The following MLXIP variants were observed in gnomAD, a reference collection of about 807,000 sequenced individuals.
The protein encoded by MLXIP is MLX interacting protein.
MLXIP carries 30 observed loss-of-function variants against 87.2 expected under a neutral mutation model. That is an observed-to-expected ratio of 0.34 (90% CI 0.26 to 0.47). The LOEUF (loss-of-function observed/expected upper bound fraction) is 0.47. MLXIP is among the 20% of genes least tolerant of loss of function. The probability of loss-of-function intolerance (pLI) is 1.00; values close to 1 mark genes in which losing one functional copy is unlikely to be tolerated. For missense variants in MLXIP, 1,002 were observed against 1,240.1 expected, an observed-to-expected ratio of 0.81 and a Z score of 2.88; for synonymous variants, 530 against 514.0, an observed-to-expected ratio of 1.03 and a Z score of -0.42.
Position 122,142,169 on chromosome 12 carries a change from G to A in MLXIP, c.*357G>A, listed in dbSNP as rs1375537672. On this transcript the variant is annotated 3_prime_UTR_variant, in exon 17 of 17. Transcript: ENST00000319080. ...CCGGTGAGCGGAATCGATGGGATGA[G>A]GGTGACAGGGCCTGCTCCTGTCCTG... 2 of 701,326 alleles carry A rather than the reference G, an allele frequency of 2.9e-6. No homozygotes were observed. Among genetic ancestry groups the A allele is most frequent in the African/African-American group, 1.7e-5 (1 of 57,266 alleles). 43.4% of individuals were successfully genotyped at this position (701,326 alleles called of 1,614,324 possible).
intron 1 of MLXIP, among the ~76,000 whole-genome samples, chr12:122,115,966 A>G (rs28613772): frequency 0.51 from 76,688 of 151,460 alleles, 19,913 homozygotes; most frequent in Middle Eastern, 0.64. Flanking sequence ...CAGGAGAATC[A>G]CTTGAACCCG....
Position 122,137,602 on chromosome 12 carries a change from C to A in MLXIP, c.2154+12C>A. On this transcript the variant is annotated intron_variant, in intron 12 of 16. Transcript: ENST00000319080. This position sits in a 1 kb window ranked among gnomAD's most constrained non-coding sequence, Gnocchi z 4.1. ...TGGCTGCACTAAAGGTACCGCATGT[C>A]TCCTCTTGGTTCCCTTGGGAGGAGG... The A allele has an allele frequency of 6.2e-7, 1 of 1,613,090 alleles. No homozygotes were observed. The highest frequency in any genetic ancestry group is 8.5e-7 in the Non-Finnish European group (1 of 1,179,380).
In MLXIP at chr12:122,133,372, C is replaced by G; in HGVS notation, c.1117C>G (p.Leu373Val). The G allele has an allele frequency of 6.3e-7, 1 of 1,585,166 alleles. No homozygotes were observed. The highest frequency in any genetic ancestry group is 8.6e-7 in the Non-Finnish European group (1 of 1,162,410). ...AQESILPTTA[L>V]PTVSLPDSLI... ...GGAGAGCATCCTGCCGACCACAGCC[C>G]TCCCCACTGTGAGCCTTCCTGACAG... Residue 373 changes from leucine (L) to valine (V), a missense_variant, in exon 9 of 17, where the codon CTC (leucine) becomes GTC (valine). By Grantham distance (32) the Leu-to-Val change is conservative (BLOSUM62 1). Coordinates refer to ENST00000319080, the MANE Select transcript of MLXIP (RefSeq NM_014938.6). This position sits in a 1 kb window ranked among gnomAD's most constrained non-coding sequence, Gnocchi z 4.9.
intron 9 of MLXIP, chr12:122,134,889 G>A (rs1272516337): frequency 1.5e-5 from 5 of 342,134 alleles, no homozygotes; most frequent in Middle Eastern, 1.0e-3. Flanking sequence ...GGCCAGGCTG[G>A]TCTCGAACTC....
chr12:122,093,324 GTGTT>G (rs1242860282), intron 1 of MLXIP, among the ~76,000 whole-genome samples: 2 of 145,936 alleles, frequency 1.4e-5, no homozygotes, highest in Admixed American at 6.9e-5. Flanking sequence ...TGCGTGGAAT[GTGTT>G]TGCAGTGTCT....
intron 1 of MLXIP, among the ~76,000 whole-genome samples, chr12:122,115,556 C>T (rs764311321): frequency 1.5e-4 from 20 of 136,752 alleles, no homozygotes; most frequent in African/African-American, 5.9e-4. Flanking sequence ...CCATTGCACT[C>T]CAGCCTGGGC....
intron 15 of MLXIP, 163 bp downstream of exon 15, chr12:122,139,101 C>A: frequency 1.4e-6 from 1 of 706,514 alleles, no homozygotes; most frequent in Non-Finnish European, 1.7e-6. Flanking sequence ...GTGGTCCGGC[C>A]TGGCCTGCTG....
intron 1 of MLXIP, among the ~76,000 whole-genome samples, chr12:122,088,183 T>TC (rs1952195637): frequency 6.6e-6 from 1 of 152,028 alleles, no homozygotes; most frequent in South Asian, 2.1e-4. Context: ...CCCCTGCCCC[T>TC]CCCCCTCTGC....
chr12:122,086,943 C>T (rs1010629380), intron 1 of MLXIP, among the ~76,000 whole-genome samples: 8 of 152,326 alleles, frequency 5.3e-5, no homozygotes, highest in South Asian at 2.1e-4. Context: ...TGTCACCCAC[C>T]ACCCTGTTTC....
chr12:122,134,848 A>G, intron 9 of MLXIP: 1 of 271,364 alleles, frequency 3.7e-6, no homozygotes, highest in South Asian at 3.5e-5. Flanking sequence ...CTAATTTTGT[A>G]TCTTCAGTAG....
intron 1 of MLXIP, among the ~76,000 whole-genome samples, chr12:122,106,670 C>T (rs928282117): frequency 1.6e-4 from 23 of 140,066 alleles, no homozygotes; most frequent in Non-Finnish European, 2.7e-4. Context: ...GGCGCGATCT[C>T]GGCTCACTGC....
intron 1 of MLXIP, among the ~76,000 whole-genome samples, chr12:122,120,730 G>A (rs979481689): frequency 4.6e-5 from 7 of 152,052 alleles, no homozygotes; most frequent in African/African-American, 1.7e-4. Flanking sequence ...CCCTCTTCAG[G>A]AGCAGGGGAA....
intron 1 of MLXIP, among the ~76,000 whole-genome samples, chr12:122,094,455 ATTGGTGTGTGTGTG>A: frequency 1.6e-5 from 1 of 63,638 alleles, no homozygotes; most frequent in Non-Finnish European, 3.0e-5. Flanking sequence ...CTGGTGTGGT[ATTGGTGTGTGTGTG>A]TTGGTGTGTG....
chr12:122,112,824 A>T (rs1200341447), intron 1 of MLXIP, among the ~76,000 whole-genome samples: 1 of 152,242 alleles, frequency 6.6e-6, no homozygotes, highest in Admixed American at 6.5e-5. Flanking sequence ...ATCCCTGTAC[A>T]TTCATTCCAC....
At chr12:122,115,588 C>CAAAAAAAAAAAAAAAA (rs35318582) in intron 1 of MLXIP, among the ~76,000 whole-genome samples, 2 of 110,738 alleles carry the variant, frequency 1.8e-5, no homozygotes, top group African/African-American at 8.4e-5. Context: ...AACTCCTTCT[C>CAAAAAAAAAAAAAAAA]AAAAAAAAAA....
intron 1 of MLXIP, among the ~76,000 whole-genome samples, chr12:122,093,066 T>C (rs980145451): frequency 4.1e-5 from 6 of 144,902 alleles, no homozygotes; most frequent in African/African-American, 1.3e-4. Flanking sequence ...GGTGTGCATG[T>C]GTTGGTGTGT....
intron 1 of MLXIP, among the ~76,000 whole-genome samples, chr12:122,085,304 T>C (rs1046187293): frequency 1.3e-5 from 2 of 152,192 alleles, no homozygotes; most frequent in Non-Finnish European, 2.9e-5. Context: ...ACTTCCGCGC[T>C]AAGCCTAACA....
intron 7 of MLXIP, 47 bp downstream of exon 7, chr12:122,130,980 G>T: frequency 8.0e-7 from 1 of 1,249,440 alleles, no homozygotes; most frequent in Non-Finnish European, 1.2e-6. Flanking sequence ...ATCTCCCCCA[G>T]CCCAGCACAG....
chr12:122,114,588 AG>A (rs1836376344), intron 1 of MLXIP, among the ~76,000 whole-genome samples: 1 of 152,112 alleles, frequency 6.6e-6, no homozygotes, highest in African/African-American at 2.4e-5. Context: ...CCCCATTGTA[AG>A]TCAGATTGGT....
Sources: allele counts gnomAD v4.1 joint callset (sites outside exome capture counted in the v4.1 genomes callset), GRCh38; gene constraint gnomAD v4.1.1; non-coding constraint Gnocchi (gnomAD v3.1); transcripts MANE v1.5; gene names NCBI Gene and HGNC (gene_info 2026-07-23, HGNC 2026-07-21).